Variants in HDAC9 observed in about 807,000 individuals in gnomAD.
The protein encoded by HDAC9 is histone deacetylase 9.
A neutral mutation model predicts 139.4 loss-of-function variants in HDAC9; 41 were observed. The ratio of observed to expected loss-of-function variants is 0.29; its 90% confidence interval spans 0.23 to 0.38. HDAC9 has a LOEUF of 0.38. Ranked by LOEUF, HDAC9 falls within the 10% of genes least tolerant of loss-of-function variation. HDAC9 has a pLI of 1.00. For synonymous variants in HDAC9, 517 were observed against 476.2 expected (o/e 1.09, Z -1.12); for missense variants, 1,147 against 1,297.0 (o/e 0.88, Z 1.78).
intron 2 of HDAC9, among the ~76,000 whole-genome samples, chr7:18,188,036 G>T (rs889716895): frequency 6.6e-6 from 1 of 152,164 alleles, no homozygotes; most frequent in Non-Finnish European, 1.5e-5. Flanking sequence ...ACCCTGTGCA[G>T]CCAAGACAAT....
At chr7:18,581,121 G>T (rs1319754487) in intron 2 of HDAC9, among the ~76,000 whole-genome samples, 1 of 152,132 alleles carries the variant, frequency 6.6e-6, no homozygotes, top group Non-Finnish European at 1.5e-5. Context: ...CCATCAGTGT[G>T]CTGATTGCCA....
rs187808808 is a variant in HDAC9 at position 18,585,888 on chromosome 7, A to G, written c.264+366A>G. ...CATATTTCATTTCTGAAGAGTCTAC[A>G]TGTACTATTTGTGAGAAAGGATAAA... On this transcript the variant is annotated intron_variant, in intron 3 of 25. Coordinates refer to ENST00000686413, the MANE Select transcript of HDAC9 (RefSeq NM_178425.4). 3.5e-3 allele frequency among the ~76,000 whole-genome samples: 530 copies of G among 152,252 alleles called. 3 individuals are homozygous for G. Among genetic ancestry groups the G allele is most frequent in the African/African-American group, 0.012 (508 of 41,548 alleles).
intron 12 of HDAC9, among the ~76,000 whole-genome samples, chr7:18,697,550 C>T (rs1030204123): frequency 1.3e-5 from 2 of 152,130 alleles, no homozygotes; most frequent in African/African-American, 4.8e-5. Flanking sequence ...CTTTGGGTAA[C>T]ATCTGAAGCT....
intron 1 of HDAC9, among the ~76,000 whole-genome samples, chr7:18,388,723 G>A (rs762262183): frequency 6.6e-6 from 1 of 152,140 alleles, no homozygotes; most frequent in Non-Finnish European, 1.5e-5. Flanking sequence ...ACAACAGACT[G>A]GGGGAATTGG....
intron 13 of HDAC9, among the ~76,000 whole-genome samples, chr7:18,733,237 A>G (rs1043552258): frequency 6.7e-6 from 1 of 148,692 alleles, no homozygotes; most frequent in African/African-American, 2.5e-5. Flanking sequence ...ACATATATAC[A>G]TGTGTATATA....
At chr7:18,133,930 G>A (rs530659704) in intron 1 of HDAC9, among the ~76,000 whole-genome samples, 8 of 122,436 alleles carry the variant, frequency 6.5e-5, no homozygotes, top group South Asian at 2.5e-4. Flanking sequence ...ATATACACGC[G>A]TGCACACACA....
chr7:18,806,436 C>A (rs1793715732), intron 17 of HDAC9, among the ~76,000 whole-genome samples: 1 of 152,122 alleles, frequency 6.6e-6, no homozygotes, highest in African/African-American at 2.4e-5. Context: ...CTGCAGGCTG[C>A]CCTTAGCTCC....
chr7:18,148,249 G>A (rs182391552), intron 1 of HDAC9, among the ~76,000 whole-genome samples: 5 of 152,098 alleles, frequency 3.3e-5, no homozygotes, highest in African/African-American at 1.2e-4. Flanking sequence ...CACGGTATCC[G>A]CAGGGCTGTG....
In HDAC9 at chr7:18,147,108, T is replaced by C. The variant is rs192161274; in HGVS notation, c.-96-15121T>C. 3.6e-3 allele frequency among the ~76,000 whole-genome samples: 541 copies of C among 152,312 alleles called. 2 individuals are homozygous for C. Among genetic ancestry groups the C allele is most frequent in the South Asian group, 7.7e-3 (37 of 4,830 alleles). ...CAACTTACAGCTTATTTAAACTCTT[T>C]TTCCTAAATGAATCATCTCCCTTTT... On this transcript the variant is annotated intron_variant, in intron 1 of 12. Coordinates refer to the HDAC9 transcript ENST00000417496.
rs1199450288 is a variant in HDAC9, at chr7:18,297,049, A to G, written c.-42+6534A>G. ...GCTCTGTCTGGGCAATTCAAGATAG[A>G]GACTTAGAGACGTCATTGTTGAGCA... On this transcript the variant is annotated intron_variant, in intron 1 of 3. Coordinates refer to the HDAC9 transcript ENST00000413509. Among the ~76,000 whole-genome samples, 6 of 152,306 alleles carry G rather than the reference A, an allele frequency of 3.9e-5. 1 individual carries two copies. The East Asian group carries it at 9.6e-4, about 24-fold the overall frequency.
intron 1 of HDAC9, among the ~76,000 whole-genome samples, chr7:18,338,166 T>G (rs1781722225): frequency 6.6e-6 from 1 of 151,706 alleles, no homozygotes; most frequent in South Asian, 2.1e-4. Flanking sequence ...AGAAATAGAA[T>G]GTGCACAGGC....
intron 19 of HDAC9, among the ~76,000 whole-genome samples, chr7:18,834,452 A>G (rs1465767328): frequency 4.0e-5 from 6 of 149,870 alleles, no homozygotes; most frequent in African/African-American, 1.5e-4. Context: ...TGACTTTTTC[A>G]TTTCTTATAT....
intron 1 of HDAC9, among the ~76,000 whole-genome samples, chr7:18,423,025 CAGACTG>C (rs1418798647): frequency 6.6e-6 from 1 of 152,130 alleles, no homozygotes; most frequent in Non-Finnish European, 1.5e-5. Flanking sequence ...TATTTTATAG[CAGACTG>C]CTATTGGGTA....
chr7:18,909,999 G>C (rs769298217), intron 22 of HDAC9, among the ~76,000 whole-genome samples: 3 of 151,746 alleles, frequency 2.0e-5, no homozygotes, highest in South Asian at 2.1e-4. Flanking sequence ...TATTTGTGCA[G>C]AGAATGATAT....
intron 1 of HDAC9, among the ~76,000 whole-genome samples, chr7:18,384,028 AGGCCAGGCATGGT>A (rs1785685527): frequency 6.6e-6 from 1 of 152,222 alleles, no homozygotes; most frequent in Non-Finnish European, 1.5e-5. Flanking sequence ...AAGTACACAT[AGGCCAGGCATGGT>A]GGCTCATGCC....
chr7:18,777,255 G>C (rs1253864654), intron 16 of HDAC9, among the ~76,000 whole-genome samples: 2 of 152,004 alleles, frequency 1.3e-5, no homozygotes, highest in Non-Finnish European at 2.9e-5. Context: ...AAATTGGGCA[G>C]CTGCAAATTA....
At chr7:18,528,276 C>T (rs2704295) in intron 2 of HDAC9, among the ~76,000 whole-genome samples, 6 of 147,526 alleles carry the variant, frequency 4.1e-5, no homozygotes, top group Admixed American at 1.4e-4. Context: ...TAAATTAGGT[C>T]GAATTAATTT....
intron 1 of HDAC9, among the ~76,000 whole-genome samples, chr7:18,462,607 T>A (rs1793944304): frequency 6.6e-6 from 1 of 152,068 alleles, no homozygotes; most frequent in African/African-American, 2.4e-5. Context: ...CCTGTTTTTA[T>A]GCTGTATAAA....
At chr7:18,482,770 C>G (rs974713823) in intron 1 of HDAC9, among the ~76,000 whole-genome samples, 1 of 152,150 alleles carries the variant, frequency 6.6e-6, no homozygotes, top group Non-Finnish European at 1.5e-5. Flanking sequence ...CTAGGTGTGC[C>G]TGGCTCTACA....
Sources: allele counts gnomAD v4.1 joint callset (sites outside exome capture counted in the v4.1 genomes callset), GRCh38; gene constraint gnomAD v4.1.1; transcripts MANE v1.5; gene names NCBI Gene and HGNC (gene_info 2026-07-23, HGNC 2026-07-21).